KCNMB4: variants seen among roughly 807,000 people sequenced by gnomAD.
KCNMB4 encodes the protein calcium-activated potassium channel subunit beta-4.
In KCNMB4, 3 loss-of-function variants were observed where a neutral mutation model predicts 20.7. The ratio of observed to expected loss-of-function variants is 0.14; its 90% CI spans 0.07 to 0.37. The LOEUF is 0.37. Among genes scored for constraint, KCNMB4 ranks in the 10% least tolerant of loss-of-function variants. The pLI, the probability that KCNMB4 is intolerant of heterozygous loss-of-function variation, is 1.00. For synonymous variants in KCNMB4, 110 were observed against 113.4 expected, an observed-to-expected ratio of 0.97 and a Z score of 0.19; for missense variants, 168 against 265.9, an observed-to-expected ratio of 0.63 and a Z score of 2.56.
At chr12:70,408,415 G>A (rs571916010) in intron 2 of KCNMB4, among the ~76,000 whole-genome samples, 8 of 152,310 alleles carry the variant, frequency 5.3e-5, no homozygotes, top group East Asian at 1.9e-4. Context: ...TCAAATGCAG[G>A]AAATTAGGGA....
At chr12:70,367,526 G>A (rs1735955543) in intron 1 of KCNMB4, among the ~76,000 whole-genome samples, 1 of 152,066 alleles carries the variant, frequency 6.6e-6, no homozygotes, top group South Asian at 2.1e-4. Flanking sequence ...AAGGTCGAGG[G>A]GACTCTCGAA....
intron 2 of KCNMB4, among the ~76,000 whole-genome samples, chr12:70,406,495 G>A (rs1203541519): frequency 1.3e-5 from 2 of 152,158 alleles, no homozygotes; most frequent in Non-Finnish European, 2.9e-5. Flanking sequence ...GAGACAGAAT[G>A]AAATAAAATG....
intron 2 of KCNMB4, among the ~76,000 whole-genome samples, chr12:70,416,592 T>G (rs1270002823): frequency 6.6e-6 from 1 of 152,186 alleles, no homozygotes; most frequent in Non-Finnish European, 1.5e-5. Flanking sequence ...GTATTTTTGT[T>G]CTCCAAACAT....
At chr12:70,397,382 T>G (rs1057422423) in intron 1 of KCNMB4, among the ~76,000 whole-genome samples, 1 of 152,218 alleles carries the variant, frequency 6.6e-6, no homozygotes, top group Non-Finnish European at 1.5e-5. Flanking sequence ...ATGTTAGTTT[T>G]AAAAAGTTGC....
intron 2 of KCNMB4, among the ~76,000 whole-genome samples, chr12:70,420,304 G>A (rs1284790501): frequency 6.6e-6 from 1 of 152,186 alleles, no homozygotes; most frequent in East Asian, 1.9e-4. Flanking sequence ...ATGTTACCTT[G>A]TATGATAAAA....
chr12:70,405,205 C>T (rs528234669), intron 2 of KCNMB4, among the ~76,000 whole-genome samples: 2 of 152,198 alleles, frequency 1.3e-5, no homozygotes, highest in East Asian at 1.9e-4. Context: ...AGGCAACCTA[C>T]AGAATAGGAG....
At position 70,366,627 on chromosome 12, in the gene KCNMB4, C is replaced by A. The variant is rs1351424542; in HGVS notation, c.-108C>A. The A allele has an allele frequency of 2.1e-5, 15 of 731,392 alleles. No individual in the cohort carries two copies. Among genetic ancestry groups the A allele is most frequent in the Non-Finnish European group, 2.7e-5 (15 of 551,172 alleles). 45.3% of individuals were successfully genotyped at this position (731,392 alleles called of 1,614,324 possible). On this transcript the variant is annotated 5_prime_UTR_variant, in exon 1 of 3. Coordinates refer to ENST00000258111, the MANE Select transcript of KCNMB4 (RefSeq NM_014505.6). ...CGCCGCCCACTCCCCTGCTGTCGCG[C>A]GGCGGCGGCGGTGGCGGCGGCGGCT...
intron 1 of KCNMB4, among the ~76,000 whole-genome samples, chr12:70,392,922 G>A (rs528691785): frequency 1.3e-5 from 2 of 152,240 alleles, no homozygotes; most frequent in Non-Finnish European, 2.9e-5. Flanking sequence ...CATGGCACAT[G>A]TATGTCTATG....
Position 70,390,351 on chromosome 12 carries a change from T to A in KCNMB4, c.337-9858T>A, listed in dbSNP as rs140097419. ...GCCCTGTAAATCCCAACTTTATGTT[T>A]TAGTGAGTCAAAATAGCCCAGCATA... On this transcript the variant is annotated intron_variant, in intron 1 of 2. Coordinates refer to ENST00000258111, the MANE Select transcript of KCNMB4 (RefSeq NM_014505.6). Among the ~76,000 whole-genome samples the A allele has an allele frequency of 2.8e-3, 430 of 152,286 alleles. 3 individuals carry two copies. Among genetic ancestry groups the A allele is most frequent in the South Asian group, 0.022 (104 of 4,820 alleles).
intron 1 of KCNMB4, among the ~76,000 whole-genome samples, chr12:70,396,498 G>T (rs1340839890): frequency 6.6e-6 from 1 of 152,090 alleles, no homozygotes; most frequent in Non-Finnish European, 1.5e-5. Flanking sequence ...TAGAGATGGG[G>T]TTTTACCCTG....
At chr12:70,384,894 A>AG (rs1285229291) in intron 1 of KCNMB4, among the ~76,000 whole-genome samples, 17 of 150,486 alleles carry the variant, frequency 1.1e-4, no homozygotes, top group South Asian at 6.3e-4. Context: ...AAAAAAAAAA[A>AG]AAGAAGAAAA....
intron 1 of KCNMB4, among the ~76,000 whole-genome samples, chr12:70,379,230 A>G (rs148951351): frequency 3.3e-5 from 5 of 152,282 alleles, no homozygotes; most frequent in Middle Eastern, 3.4e-3. Context: ...CTCTAACAAG[A>G]GTCAGCCTGT....
At chr12:70,369,056 C>T (rs1883545285) in intron 1 of KCNMB4, among the ~76,000 whole-genome samples, 1 of 152,084 alleles carries the variant, frequency 6.6e-6, no homozygotes, top group East Asian at 1.9e-4. Flanking sequence ...TGAAAAAGTA[C>T]CTGAACAAAA....
chr12:70,422,380 C>T (rs546189092), intron 2 of KCNMB4, among the ~76,000 whole-genome samples: 9 of 152,320 alleles, frequency 5.9e-5, no homozygotes, highest in Middle Eastern at 3.4e-3. Flanking sequence ...CAAAATCCTG[C>T]ACTTCTGATG....
intron 2 of KCNMB4, among the ~76,000 whole-genome samples, chr12:70,403,959 T>C (rs1281181679): frequency 6.6e-6 from 1 of 152,186 alleles, no homozygotes; most frequent in Non-Finnish European, 1.5e-5. Context: ...AAAAGGAGGG[T>C]TCTTTGCTTC....
chr12:70,400,296 G>T lies in KCNMB4; in HGVS notation c.424G>T (p.Gly142Cys). Residue 142 changes from glycine to cysteine, a missense_variant, in exon 2 of 3, where the codon GGT becomes TGT. Coordinates refer to ENST00000258111, the MANE Select transcript of KCNMB4 (RefSeq NM_014505.6). ...NWQQYWKDEI[G>C]SQPFTCYFNQ... ...GCAACAGTACTGGAAAGATGAGATTGGTTCCCAGCCATTTACTTGCTATTT... is the reference window on the plus strand; with the variant it reads ...GCAACAGTACTGGAAAGATGAGATTTGTTCCCAGCCATTTACTTGCTATTT... The T allele has an allele frequency of 6.2e-7, 1 of 1,607,510 alleles. No individual in the cohort carries two copies. Among genetic ancestry groups the T allele is most frequent in the Non-Finnish European group, 8.5e-7 (1 of 1,178,466 alleles).
intron 2 of KCNMB4, among the ~76,000 whole-genome samples, chr12:70,424,057 G>A (rs1398691343): frequency 6.6e-6 from 1 of 152,120 alleles, no homozygotes. Flanking sequence ...TAACTTAGTA[G>A]GGAAAAGGGA....
intron 1 of KCNMB4, among the ~76,000 whole-genome samples, chr12:70,380,296 T>A (rs1883760602): frequency 6.6e-6 from 1 of 152,184 alleles, no homozygotes; most frequent in Non-Finnish European, 1.5e-5. Context: ...TGTCCTCATA[T>A]GGGCATGGTT....
intron 1 of KCNMB4, among the ~76,000 whole-genome samples, chr12:70,383,783 G>T (rs959934922): frequency 6.6e-6 from 1 of 152,100 alleles, no homozygotes; most frequent in African/African-American, 2.4e-5. Flanking sequence ...AAAAACACCA[G>T]TACAGCCAGG....
Sources: gnomAD v4.1 joint callset for allele counts (sites outside exome capture counted in the v4.1 genomes callset) on GRCh38, gnomAD v4.1.1 for gene constraint, MANE v1.5 for transcripts, NCBI Gene and HGNC (gene_info 2026-07-23, HGNC 2026-07-21) for gene names.